ANKS3: variants seen among roughly 807,000 people sequenced by gnomAD.
ANKS3 encodes ankyrin repeat and SAM domain-containing protein 3.
In ANKS3, 62 loss-of-function variants were observed where a neutral mutation model predicts 80.7. That is an observed-to-expected ratio of 0.77 (90% CI 0.63 to 0.95). The LOEUF (loss-of-function observed/expected upper bound fraction) is 0.95. ANKS3 is among the 40% of genes least tolerant of loss of function. The probability of loss-of-function intolerance (pLI) is 0.00; values close to 1 mark genes in which losing one functional copy is unlikely to be tolerated. For missense variants in ANKS3, 1,150 were observed against 883.6 expected (o/e 1.30, Z -3.82); for synonymous variants, 489 against 355.3 (o/e 1.38, Z -4.23).
chr16:4,709,437 A>C (rs2080371938), intron 7 of ANKS3, among the ~76,000 whole-genome samples: 2 of 152,098 alleles, frequency 1.3e-5, no homozygotes, highest in South Asian at 4.1e-4. Context: ...AAATATAAGA[A>C]ATGAGATCCA....
intron 7 of ANKS3, among the ~76,000 whole-genome samples, chr16:4,713,061 C>T (rs1024478348): frequency 2.6e-5 from 4 of 151,968 alleles, no homozygotes; most frequent in Non-Finnish European, 5.9e-5. Context: ...CCTGAGGTTG[C>T]GAGTTCTAGA....
Position 4,698,423 on chromosome 16 carries a change from T to C in ANKS3, c.1724+4A>G. ...CCAGCCCAGGGCAGCTCAGAGCCAC[T>C]CACCGCAGCTGGTCCAGGACGAGGG... is the stretch of plus-strand genomic sequence containing the variant. On this transcript the variant is annotated splice_donor_region_variant and intron_variant, in intron 14 of 17. Transcript: ENST00000304283. The C allele has an allele frequency of 6.6e-7, 1 of 1,509,500 alleles. No individual in the cohort carries two copies. Among genetic ancestry groups the C allele is most frequent in the South Asian group, 1.3e-5 (1 of 78,448 alleles). 93.5% of individuals were successfully genotyped at this position (1,509,500 alleles called of 1,614,324 possible). A position where few individuals can be genotyped will look rare whatever the true frequency, so the allele number is the denominator to read the frequency against.
At chr16:4,711,098 A>ATTTT (rs35899381) in intron 7 of ANKS3, among the ~76,000 whole-genome samples, 55 of 104,446 alleles carry the variant, frequency 5.3e-4, no homozygotes, top group Middle Eastern at 7.7e-3. Flanking sequence ...CTGAAACAGA[A>ATTTT]TTTTTTTTTT....
At chr16:4,715,550 C>T (rs1044735806) in intron 6 of ANKS3, among the ~76,000 whole-genome samples, 1 of 152,132 alleles carries the variant, frequency 6.6e-6, no homozygotes, top group African/African-American at 2.4e-5. Context: ...GAGCTGAGAT[C>T]GCACCACTGT....
chr16:4,700,757 C>G (rs752325258), intron 11 of ANKS3: 1 of 767,430 alleles, frequency 1.3e-6, no homozygotes, highest in Non-Finnish European at 2.3e-6. Flanking sequence ...GAGACAGGTC[C>G]TTTCCGTGGA....
At chr16:4,722,520 G>A (rs892950602) in intron 6 of ANKS3, among the ~76,000 whole-genome samples, 2 of 148,776 alleles carry the variant, frequency 1.3e-5, no homozygotes, top group South Asian at 4.3e-4. Flanking sequence ...AGGTTGCAGT[G>A]AGCTGAGATC....
intron 8 of ANKS3, among the ~76,000 whole-genome samples, chr16:4,703,530 C>T (rs1285782030): frequency 1.3e-5 from 2 of 151,790 alleles, no homozygotes; most frequent in Non-Finnish European, 2.9e-5. Flanking sequence ...AACCGATTCT[C>T]CTGCCTCAGC....
Position 4,704,955 on chromosome 16 carries a change from T to A in ANKS3, c.868+140A>T, listed in dbSNP as rs183986923. ...ACTCAATCCTGAGTCTCCCTGAGCA[T>A]GAAAGCTGGGCCACCTGTCCCGCTG... On this transcript the variant is annotated intron_variant, in intron 8 of 17. Coordinates refer to ENST00000304283, the MANE Select transcript of ANKS3 (RefSeq NM_133450.4). 7.2e-5 allele frequency: 81 copies of A among 1,117,744 alleles called. 1 individual carries two copies. The highest frequency in any genetic ancestry group is 9.6e-5 in the Non-Finnish European group (75 of 783,690). The allele number at this position is 1,117,744 out of a possible 1,614,324, so 69.2% of individuals were successfully genotyped here.
intron 7 of ANKS3, among the ~76,000 whole-genome samples, chr16:4,710,290 T>C (rs987279305): frequency 2.0e-5 from 3 of 152,196 alleles, no homozygotes; most frequent in Non-Finnish European, 2.9e-5. Context: ...AAATGATAAA[T>C]GTTTGAGGTG....
intron 1 of ANKS3, among the ~76,000 whole-genome samples, chr16:4,733,202 CAAAAAAAAA>C (rs56944690): frequency 2.8e-5 from 2 of 70,538 alleles, no homozygotes; most frequent in Admixed American, 2.0e-4. Context: ...GACTCCGTCT[CAAAAAAAAA>C]AAAAAAAAAA....
At chr16:4,730,206 G>T (rs1022775435) in intron 2 of ANKS3, 55 bp from the exon 3 acceptor site, 2 of 1,422,894 alleles carry the variant, frequency 1.4e-6, no homozygotes, top group Non-Finnish European at 1.9e-6. Flanking sequence ...TCCAGGGCAT[G>T]AAACAGGCTG....
chr16:4,701,652 C>G (rs571417329), intron 9 of ANKS3, 109 bp from the exon 10 acceptor site: 23 of 900,984 alleles, frequency 2.6e-5, no homozygotes, highest in Non-Finnish European at 3.3e-5. Flanking sequence ...GGGCCTGCAG[C>G]GGTTGCTTCC....
intron 7 of ANKS3, 153 bp downstream of exon 7, chr16:4,713,898 C>A (rs2080631740): frequency 9.1e-7 from 1 of 1,099,978 alleles, no homozygotes; most frequent in Non-Finnish European, 1.3e-6. Flanking sequence ...GAGCAGGGGC[C>A]TCAACCTTGA....
In ANKS3 at chr16:4,696,864, C is replaced by G; in HGVS notation, c.*44G>C. 1.4e-6 allele frequency: 1 copy of G among 724,612 alleles called. No individual in the cohort carries two copies. The highest frequency in any genetic ancestry group is 2.3e-6 in the Non-Finnish European group (1 of 428,092). The allele number at this position is 724,612 out of a possible 1,614,324, so 44.9% of individuals were successfully genotyped here. A position where few individuals can be genotyped will look rare whatever the true frequency, so the allele number is the denominator to read the frequency against. ...GTCCTCCTCACTCCCTGGCACACAG[C>G]TTCAGGGTGGACCAATCACCCAACG... is the stretch of plus-strand genomic sequence containing the variant. On this transcript the variant is annotated 3_prime_UTR_variant, in exon 18 of 18. Coordinates refer to ENST00000304283, the MANE Select transcript of ANKS3 (RefSeq NM_133450.4).
intron 6 of ANKS3, among the ~76,000 whole-genome samples, chr16:4,720,455 C>A: frequency 6.7e-6 from 1 of 148,758 alleles, no homozygotes; most frequent in East Asian, 2.0e-4. Context: ...GAGAGAGACT[C>A]CATCTCAAAA....
At chr16:4,699,402 C>G in intron 11 of ANKS3, 1 of 582,498 alleles carries the variant, frequency 1.7e-6, no homozygotes, top group South Asian at 2.0e-5. Context: ...AATGTATGTT[C>G]ATCACCAGAA....
At chr16:4,716,554 C>T (rs888257100) in intron 6 of ANKS3, among the ~76,000 whole-genome samples, 6 of 152,022 alleles carry the variant, frequency 3.9e-5, no homozygotes, top group African/African-American at 1.4e-4. Flanking sequence ...AGGAGTTTTA[C>T]TTTCTAGAGT....
intron 8 of ANKS3, among the ~76,000 whole-genome samples, 200 bp downstream of exon 8, chr16:4,704,895 G>C (rs1052893026): frequency 3.3e-5 from 5 of 152,194 alleles, no homozygotes; most frequent in Non-Finnish European, 2.9e-5. Flanking sequence ...CAAAAAACAA[G>C]AGCTAGTCCG....
rs537329747 is a variant in ANKS3 at position 4,699,040 on chromosome 16, T to A, written c.1409+12A>T. ...CCCGGGCTGAGGGCCAGAGCGGCCC[T>A]TCTGGACGCACGTGATGCCAATTTC... On this transcript the variant is annotated intron_variant, in intron 12 of 17. Coordinates refer to ENST00000304283, the MANE Select transcript of ANKS3 (RefSeq NM_133450.4). The A allele has an allele frequency of 6.2e-7, 1 of 1,614,150 alleles. No homozygotes were observed. Among genetic ancestry groups the A allele is most frequent in the Admixed American group, 1.7e-5 (1 of 60,030 alleles).
Sources: allele counts gnomAD v4.1 joint callset (sites outside exome capture counted in the v4.1 genomes callset), GRCh38; gene constraint gnomAD v4.1.1; transcripts MANE v1.5; gene names NCBI Gene and HGNC (gene_info 2026-07-23, HGNC 2026-07-21).